RNF126: variants seen among roughly 807,000 people sequenced by gnomAD.
RNF126 encodes ring finger protein 126, also known as E3 ubiquitin-protein ligase RNF126.
Under a neutral mutation model 41.9 loss-of-function variants are expected in RNF126, and 20 were observed. That is an observed-to-expected ratio of 0.48 (90% CI 0.34 to 0.69). RNF126 has a LOEUF of 0.69. RNF126 is among the 30% of genes least tolerant of loss of function. The pLI, the probability that RNF126 is intolerant of heterozygous loss-of-function variation, is 0.01. For missense variants in RNF126, 433 were observed against 460.6 expected (o/e 0.94, Z 0.55); for synonymous variants, 239 against 202.9 (o/e 1.18, Z -1.51).
chr19:662,931 C>T, intron 1 of RNF126, 116 bp downstream of exon 1: 1 of 395,954 alleles, frequency 2.5e-6, no homozygotes, highest in Non-Finnish European at 4.2e-6. Flanking sequence ...CCTCAGTTTT[C>T]CCGTCGTGGT....
intron 8 of RNF126, 23 bp downstream of exon 8, chr19:648,349 G>C (rs1291348911): frequency 1.7e-6 from 1 of 576,326 alleles, no homozygotes; most frequent in Non-Finnish European, 2.9e-6. Context: ...CGGGGTGGGG[G>C]GGCGGGTGGG....
In RNF126 at chr19:647,965, G is replaced by T. The variant is rs1363657847; in HGVS notation, c.*163C>A. The T allele has an allele frequency of 1.2e-6, 1 of 868,974 alleles. No individual in the cohort carries two copies. The highest frequency in any genetic ancestry group is 1.7e-5 in the African/African-American group (1 of 58,628). The allele number at this position is 868,974 out of a possible 1,614,324, so 53.8% of individuals were successfully genotyped here. On this transcript the variant is annotated 3_prime_UTR_variant, in exon 9 of 9. Transcript: ENST00000292363. Reference sequence around the variant, plus strand: ...GTGGCCCACGCCTTCCCAAGCCAGGGGGCCGGTGGGCCGGGCCCGGGTCCT... The same window carrying T: ...GTGGCCCACGCCTTCCCAAGCCAGGTGGCCGGTGGGCCGGGCCCGGGTCCT...
At position 659,463 on chromosome 19, in the gene RNF126, G is replaced by A. The variant is rs1214049886; in HGVS notation, c.75+3584C>T. Among the ~76,000 whole-genome samples the A allele has an allele frequency of 1.3e-5, 2 of 152,148 alleles. No homozygotes were observed. Among genetic ancestry groups the A allele is most frequent in the African/African-American group, 2.4e-5 (1 of 41,426 alleles). On this transcript the variant is annotated intron_variant, in intron 1 of 8. Coordinates refer to ENST00000292363, the MANE Select transcript of RNF126 (RefSeq NM_194460.3). This position sits in a 1 kb window ranked among gnomAD's most constrained non-coding sequence, Gnocchi z 4.9. ...TGCAGGCGTTCGGGGGTGGGGGGTCGGCAGGCAGAGCTGGAACCACCCTAG... is the reference window on the plus strand; with the variant it reads ...TGCAGGCGTTCGGGGGTGGGGGGTCAGCAGGCAGAGCTGGAACCACCCTAG...
Position 650,307 on chromosome 19 carries a change from G to C in RNF126, c.444-11C>G, listed in dbSNP as rs371608034. On this transcript the variant is annotated splice_polypyrimidine_tract_variant and intron_variant, in intron 4 of 8. Transcript: ENST00000292363. Reference sequence around the variant, plus strand: ...AGCTGCTGGATGATCCTGGAAAAGAGAGCGCCAGTCACGGGGTGAGGCCGC... The same window carrying C: ...AGCTGCTGGATGATCCTGGAAAAGACAGCGCCAGTCACGGGGTGAGGCCGC... 15 of 1,573,596 alleles carry C rather than the reference G, an allele frequency of 9.5e-6. No individual in the cohort carries two copies. Among genetic ancestry groups the C allele is most frequent in the Non-Finnish European group, 1.2e-5 (14 of 1,160,142 alleles).
At chr19:654,352 C>G (rs1465117027) in intron 1 of RNF126, among the ~76,000 whole-genome samples, 1 of 152,190 alleles carries the variant, frequency 6.6e-6, no homozygotes, top group South Asian at 2.1e-4. Flanking sequence ...TCGGCACGCT[C>G]CGCCATCACC....
chr19:652,939 C>G (rs1600634881), intron 1 of RNF126, 55 bp from the exon 2 acceptor site: 1 of 1,537,012 alleles, frequency 6.5e-7, no homozygotes, highest in Non-Finnish European at 8.9e-7. Flanking sequence ...ACCTGCAAAC[C>G]CCCCCAAGTG....
intron 4 of RNF126, chr19:651,284 C>A (rs532977089): frequency 4.7e-6 from 1 of 211,248 alleles, no homozygotes; most frequent in Non-Finnish European, 9.3e-6. Context: ...TGGGGCCCTG[C>A]GACGGCTCCC....
intron 1 of RNF126, 123 bp from the exon 2 acceptor site, chr19:653,007 A>C: frequency 1.1e-6 from 1 of 917,864 alleles, no homozygotes; most frequent in Non-Finnish European, 1.7e-6. Flanking sequence ...CACGCAGGCC[A>C]GGGTGGCTCC....
Position 647,777 on chromosome 19 carries a change from G to A in RNF126, c.*351C>T, listed in dbSNP as rs1017118953. 1.7e-4 allele frequency: 63 copies of A among 364,936 alleles called. No individual in the cohort carries two copies. Among genetic ancestry groups the A allele is most frequent in the Non-Finnish European group, 2.7e-4 (51 of 189,744 alleles). The allele number at this position is 364,936 out of a possible 1,614,324, so 22.6% of individuals were successfully genotyped here. ...AGCGCTGGGGGAGCCGCTGGGCCCC[G>A]TCTTCCGCCACAAACCATGCATGGC... On this transcript the variant is annotated 3_prime_UTR_variant, in exon 9 of 9. Coordinates refer to ENST00000292363, the MANE Select transcript of RNF126 (RefSeq NM_194460.3).
intron 2 of RNF126, 123 bp downstream of exon 2, chr19:652,703 G>A: frequency 1.2e-6 from 1 of 854,788 alleles, no homozygotes; most frequent in East Asian, 2.6e-5. Context: ...TGCTCCCGGA[G>A]CCACAGACAC....
chr19:649,065 C>T (rs934775464), intron 6 of RNF126, 90 bp from the exon 7 acceptor site: 4 of 608,264 alleles, frequency 6.6e-6, no homozygotes, highest in Admixed American at 3.9e-5. Context: ...GCAAAAGCAC[C>T]GAGGCCGCGT....
chr19:650,583 A>ATTTTTTTTTTTTT (rs1491146937), intron 4 of RNF126: 1 of 126,806 alleles, frequency 7.9e-6, no homozygotes, highest in Non-Finnish European at 1.4e-5. Flanking sequence ...ACTCTCGGCT[A>ATTTTTTTTTTTTT]CTTTTTTTTT....
At chr19:656,480 C>G (rs889162807) in intron 1 of RNF126, among the ~76,000 whole-genome samples, 5 of 152,080 alleles carry the variant, frequency 3.3e-5, no homozygotes, top group Admixed American at 1.3e-4. Flanking sequence ...GAAATACCGT[C>G]TCTACTAAAA....
At chr19:656,651 A>G (rs1182431452) in intron 1 of RNF126, among the ~76,000 whole-genome samples, 1 of 152,074 alleles carries the variant, frequency 6.6e-6, no homozygotes, top group Non-Finnish European at 1.5e-5. Context: ...GTGTCAGAAA[A>G]AGAAAAAGAA....
chr19:649,045 T>C (rs1453551727), intron 6 of RNF126, 70 bp from the exon 7 acceptor site: 1 of 720,302 alleles, frequency 1.4e-6, no homozygotes, highest in Admixed American at 3.8e-5. Flanking sequence ...AACGCGAGGC[T>C]GCAGGACCTG....
intron 6 of RNF126, 35 bp from the exon 7 acceptor site, chr19:649,010 T>A: frequency 8.9e-7 from 1 of 1,127,778 alleles, no homozygotes. Context: ...CGGGAGCTCC[T>A]CGGGGGCCCG....
chr19:652,772 A>C, intron 2 of RNF126, 54 bp downstream of exon 2: 1 of 1,554,520 alleles, frequency 6.4e-7, no homozygotes, highest in African/African-American at 1.4e-5. Context: ...ACACCCCTAC[A>C]ACAGCTGAGG....
intron 1 of RNF126, among the ~76,000 whole-genome samples, chr19:655,502 G>C (rs544432443): frequency 1.4e-5 from 2 of 139,528 alleles, no homozygotes; most frequent in South Asian, 2.1e-4. Context: ...AAAGAAAAGT[G>C]GGGGGGGAAA....
In RNF126 at chr19:652,303, A is replaced by G. The variant is rs760902878; in HGVS notation, c.135-7T>C. On this transcript the variant is annotated splice_polypyrimidine_tract_variant and splice_region_variant and intron_variant, in intron 2 of 8. Transcript: ENST00000292363. ...AGAACCATTTTCTGTGCTCCTGGGG[A>G]GAGAGTGCAGGTCAGCAGTGCCGGC... 22 of 1,556,230 alleles carry G rather than the reference A, an allele frequency of 1.4e-5. No individual in the cohort carries two copies. The East Asian group carries it at 3.1e-4, about 22-fold the overall frequency.
Sources: allele counts gnomAD v4.1 joint callset (sites outside exome capture counted in the v4.1 genomes callset), GRCh38; gene constraint gnomAD v4.1.1; non-coding constraint Gnocchi (gnomAD v3.1); transcripts MANE v1.5; gene names NCBI Gene and HGNC (gene_info 2026-07-23, HGNC 2026-07-21).